The following CTNND2 variants were observed in gnomAD, a reference collection of about 807,000 sequenced individuals.
The protein encoded by CTNND2 is catenin delta-2.
Under a neutral mutation model 144.4 loss-of-function variants are expected in CTNND2, and 22 were observed. That is an observed-to-expected ratio of 0.15 (90% CI 0.11 to 0.22). CTNND2 has a LOEUF of 0.22. Ranked by LOEUF, CTNND2 falls within the 10% of genes least tolerant of loss-of-function variation. The probability of loss-of-function intolerance (pLI) is 1.00; values close to 1 mark genes in which losing one functional copy is unlikely to be tolerated. For synonymous variants in CTNND2, 751 were observed against 695.6 expected, an observed-to-expected ratio of 1.08 and a Z score of -1.25; for missense variants, 1,353 against 1,618.8, an observed-to-expected ratio of 0.84 and a Z score of 2.82.
chr5:11,834,473 T>C (rs1056021621), intron 1 of CTNND2, among the ~76,000 whole-genome samples: 3 of 152,220 alleles, frequency 2.0e-5, no homozygotes, highest in Non-Finnish European at 4.4e-5. Context: ...GTGATGAATA[T>C]GTTAATTAAC....
At chr5:11,433,403 C>T (rs1763476803) in intron 3 of CTNND2, among the ~76,000 whole-genome samples, 1 of 152,164 alleles carries the variant, frequency 6.6e-6, no homozygotes, top group African/African-American at 2.4e-5. Flanking sequence ...ATTGACACTA[C>T]CAAATGTCAG....
At chr5:11,454,409 A>C (rs915336903) in intron 3 of CTNND2, among the ~76,000 whole-genome samples, 1 of 151,950 alleles carries the variant, frequency 6.6e-6, no homozygotes, top group African/African-American at 2.4e-5. Context: ...ACAGAGCGAG[A>C]CTCCGTCTAA....
chr5:11,785,765 G>T (rs1052461209), intron 1 of CTNND2, among the ~76,000 whole-genome samples: 1 of 152,206 alleles, frequency 6.6e-6, no homozygotes, highest in Non-Finnish European at 1.5e-5. Flanking sequence ...TTATCAAAGA[G>T]GGTAATTTCC....
At chr5:11,662,014 T>TAC (rs919048365) in intron 2 of CTNND2, among the ~76,000 whole-genome samples, 4 of 150,336 alleles carry the variant, frequency 2.7e-5, no homozygotes, top group Non-Finnish European at 4.4e-5. Flanking sequence ...CACACATATA[T>TAC]ACACACACAC....
chr5:11,278,968 C>A (rs556362434), intron 9 of CTNND2, among the ~76,000 whole-genome samples: 6 of 152,288 alleles, frequency 3.9e-5, no homozygotes, highest in Admixed American at 6.5e-5. Flanking sequence ...CTAACTCCCC[C>A]ACGGTGTTCC....
rs16901758 is a variant in CTNND2, at chr5:11,576,303, G to C, written c.175-11247C>G. On this transcript the variant is annotated intron_variant, in intron 2 of 21. Transcript: ENST00000304623. Reference sequence around the variant, plus strand: ...TGTGATTATGTTACTCATTTATTTAGAATATTTTAGTGAATCCTAATTTCC... The same window carrying C: ...TGTGATTATGTTACTCATTTATTTACAATATTTTAGTGAATCCTAATTTCC... Among the ~76,000 whole-genome samples, 970 of 151,562 alleles carry C rather than the reference G, an allele frequency of 6.4e-3. 20 individuals carry two copies. The highest frequency in any genetic ancestry group is 0.058 in the East Asian group (297 of 5,152).
intron 1 of CTNND2, among the ~76,000 whole-genome samples, chr5:11,902,145 C>G (rs919223956): frequency 1.3e-5 from 2 of 152,148 alleles, no homozygotes; most frequent in Non-Finnish European, 2.9e-5. Flanking sequence ...CACTTAACTC[C>G]GAATGTAATC....
chr5:11,467,192 C>A (rs1040335945), intron 3 of CTNND2, among the ~76,000 whole-genome samples: 2 of 152,250 alleles, frequency 1.3e-5, no homozygotes, highest in African/African-American at 4.8e-5. Context: ...CCAGCACAGG[C>A]TGTGCACTGG....
intron 2 of CTNND2, among the ~76,000 whole-genome samples, chr5:11,597,409 C>G (rs912880422): frequency 2.0e-5 from 3 of 152,132 alleles, no homozygotes; most frequent in East Asian, 3.9e-4. Flanking sequence ...GAGATGATTC[C>G]TTGGTATTTC....
At chr5:11,298,524 G>C (rs2530216) in intron 9 of CTNND2, among the ~76,000 whole-genome samples, 74,070 of 151,982 alleles carry the variant, frequency 0.49, 18,325 homozygotes, top group African/African-American at 0.55. Context: ...TTAATCTGAA[G>C]AGTAAAATTC....
chr5:11,123,555 T>C (rs866694511), intron 12 of CTNND2, among the ~76,000 whole-genome samples: 12 of 152,344 alleles, frequency 7.9e-5, no homozygotes, highest in Admixed American at 3.9e-4. Flanking sequence ...CTGGGCTCCA[T>C]GAGGATCTAA....
chr5:11,398,178 G>A (rs1760311945), intron 5 of CTNND2, among the ~76,000 whole-genome samples: 1 of 152,162 alleles, frequency 6.6e-6, no homozygotes, highest in African/African-American at 2.4e-5. Context: ...ATTCGATGGA[G>A]TGTAATAATA....
intron 11 of CTNND2, among the ~76,000 whole-genome samples, chr5:11,164,872 G>A (rs1440955327): frequency 6.6e-6 from 1 of 152,048 alleles, no homozygotes; most frequent in African/African-American, 2.4e-5. Context: ...CTCCAACAGG[G>A]TCCCAGGCAT....
chr5:11,129,179 TATATATA>T lies in CTNND2; in HGVS notation c.2160-11619_2160-11613del, dbSNP rs1385136396. Among the ~76,000 whole-genome samples the T allele has an allele frequency of 6.2e-4, 32 of 51,508 alleles. 3 individuals carry two copies. The South Asian group carries it at 6.8e-3, about 11-fold the overall frequency. The allele number at this position is 51,508 out of a possible 152,430, so 33.8% of individuals were successfully genotyped here. On this transcript the variant is annotated intron_variant, in intron 12 of 21. Coordinates refer to ENST00000304623, the MANE Select transcript of CTNND2 (RefSeq NM_001332.4). ...TACATATATTATATATTATATATTT[TATATATA>T]ATATATAATATATATTATATATTTA...
intron 6 of CTNND2, among the ~76,000 whole-genome samples, chr5:11,390,395 A>ATAAGGG (rs1759527953): frequency 6.6e-6 from 1 of 152,204 alleles, no homozygotes; most frequent in South Asian, 2.1e-4. Context: ...GACAATTCTC[A>ATAAGGG]GAACTTGAAA....
chr5:11,642,267 G>C (rs1474799626), intron 2 of CTNND2, among the ~76,000 whole-genome samples: 1 of 152,136 alleles, frequency 6.6e-6, no homozygotes, highest in Non-Finnish European at 1.5e-5. Flanking sequence ...TCCTTGTGGA[G>C]CTTCAATTCT....
At chr5:11,617,051 A>G (rs542429044) in intron 2 of CTNND2, among the ~76,000 whole-genome samples, 1 of 152,262 alleles carries the variant, frequency 6.6e-6, no homozygotes, top group South Asian at 2.1e-4. Flanking sequence ...AGCATCATCC[A>G]TCATATCTAC....
At chr5:11,363,446 C>T (rs1213294276) in intron 8 of CTNND2, among the ~76,000 whole-genome samples, 1 of 152,048 alleles carries the variant, frequency 6.6e-6, no homozygotes, top group Non-Finnish European at 1.5e-5. Flanking sequence ...TACTTAAAAA[C>T]ATGCAAACAT....
chr5:11,650,889 TA>T (rs1213030384), intron 2 of CTNND2, among the ~76,000 whole-genome samples: 2 of 152,166 alleles, frequency 1.3e-5, no homozygotes, highest in African/African-American at 4.8e-5. Context: ...AACTGGAACT[TA>T]TATTTAATAG....
Sources: gnomAD v4.1 joint callset for allele counts (sites outside exome capture counted in the v4.1 genomes callset) on GRCh38, gnomAD v4.1.1 for gene constraint, MANE v1.5 for transcripts, NCBI Gene and HGNC (gene_info 2026-07-23, HGNC 2026-07-21) for gene names.